The following KIF16B variants were observed in gnomAD, a reference collection of about 807,000 sequenced individuals.
KIF16B encodes the protein kinesin family member 16B, also known as kinesin-like protein KIF16B.
A neutral mutation model predicts 156.3 loss-of-function variants in KIF16B; 98 were observed. The ratio of observed to expected loss-of-function variants is 0.63; its 90% CI spans 0.53 to 0.74. The LOEUF (loss-of-function observed/expected upper bound fraction) is 0.74. Among genes scored for constraint, KIF16B ranks in the 30% least tolerant of loss-of-function variants. The pLI is 0.00. For missense variants in KIF16B, 1,421 were observed against 1,606.5 expected, an observed-to-expected ratio of 0.88 and a Z score of 1.97; for synonymous variants, 564 against 583.7, an observed-to-expected ratio of 0.97 and a Z score of 0.49.
chr20:16,543,360 C>T (rs140410766), intron 1 of KIF16B, among the ~76,000 whole-genome samples: 1 of 152,266 alleles, frequency 6.6e-6, no homozygotes, highest in African/African-American at 2.4e-5. Flanking sequence ...AGGGTTATCA[C>T]CACTGACTTC....
intron 22 of KIF16B, among the ~76,000 whole-genome samples, chr20:16,362,513 A>G (rs1329648962): frequency 6.6e-6 from 1 of 152,248 alleles, no homozygotes; most frequent in Non-Finnish European, 1.5e-5. Context: ...TCAGTTAAGA[A>G]TCAACTTAGC....
intron 25 of KIF16B, among the ~76,000 whole-genome samples, chr20:16,310,514 A>T (rs1469441048): frequency 6.6e-6 from 1 of 152,200 alleles, no homozygotes; most frequent in Non-Finnish European, 1.5e-5. Flanking sequence ...GTTTAACAAG[A>T]GCCCTGAGTA....
rs73241988 is a variant in KIF16B, at chr20:16,504,291, T to C, written c.1176+81A>G. 3.8e-3 allele frequency: 5,277 copies of C among 1,381,374 alleles called. 168 individuals carry two copies. The African/African-American group carries it at 0.066, about 17-fold the overall frequency. The allele number at this position is 1,381,374 out of a possible 1,614,324, so 85.6% of individuals were successfully genotyped here. A position where few individuals can be genotyped will look rare whatever the true frequency, so the allele number is the denominator to read the frequency against. On this transcript the variant is annotated intron_variant, in intron 10 of 25. Coordinates refer to ENST00000354981, the MANE Select transcript of KIF16B (RefSeq NM_024704.5). The stretch of plus-strand genomic sequence containing the variant: ...TATTTACTCAAATCAATAGCATGAG[T>C]GAGAAAATTGTCTCATTAAGATCTA...
chr20:16,387,192 G>T (rs1199863880), intron 17 of KIF16B, among the ~76,000 whole-genome samples: 3 of 152,184 alleles, frequency 2.0e-5, no homozygotes, highest in Admixed American at 6.5e-5. Context: ...AACATTATTT[G>T]TAATAATGAA....
chr20:16,569,145 C>G (rs138808888), intron 1 of KIF16B, among the ~76,000 whole-genome samples: 111 of 152,254 alleles, frequency 7.3e-4, no homozygotes, highest in African/African-American at 2.6e-3. Context: ...AGCCAGACAG[C>G]CTATCTGCTG....
chr20:16,287,479 T>C (rs1325949142), intron 25 of KIF16B, among the ~76,000 whole-genome samples: 5 of 152,220 alleles, frequency 3.3e-5, no homozygotes, highest in Non-Finnish European at 5.9e-5. Flanking sequence ...AACTATTCAT[T>C]ACGGCTATTC....
intron 25 of KIF16B, among the ~76,000 whole-genome samples, chr20:16,284,881 G>A (rs1356941065): frequency 6.6e-6 from 1 of 152,130 alleles, no homozygotes; most frequent in Non-Finnish European, 1.5e-5. Flanking sequence ...GAACACCCAC[G>A]GTCCAGGCCT....
chr20:16,379,278 C>A lies in KIF16B; in HGVS notation c.2724G>T (p.Gln908His), dbSNP rs141941008. Residue 908 changes from glutamine to histidine, a missense_variant, in exon 19 of 26, where the codon CAG becomes CAT. Coordinates refer to ENST00000354981, the MANE Select transcript of KIF16B (RefSeq NM_024704.5). ...VEYRLQYKER[Q>H]LQYLLQNHLP... is the part of the protein sequence containing the mutation. The stretch of plus-strand genomic sequence containing the variant: ...AGTGATTCTGCAGGAGGTACTGTAG[C>A]TGGCGTTCTTTATATTGCAGCCTGT... 6.2e-7 allele frequency: 1 copy of A among 1,613,814 alleles called. No individual in the cohort carries two copies. Among genetic ancestry groups the A allele is most frequent in the African/African-American group, 1.3e-5 (1 of 75,042 alleles).
At chr20:16,567,769 T>TCTCTAC (rs2071309294) in intron 1 of KIF16B, among the ~76,000 whole-genome samples, 1 of 152,066 alleles carries the variant, frequency 6.6e-6, no homozygotes, top group South Asian at 2.1e-4. Context: ...GCTAACACAG[T>TCTCTAC]GAAACCCTGT....
intron 19 of KIF16B, among the ~76,000 whole-genome samples, chr20:16,377,101 C>A (rs1342682850): frequency 6.6e-6 from 1 of 152,148 alleles, no homozygotes; most frequent in Admixed American, 6.5e-5. Context: ...CTGAGTAGGT[C>A]TTCCTTGTTA....
At chr20:16,382,159 A>G (rs536109608) in intron 17 of KIF16B, 9 of 1,287,382 alleles carry the variant, frequency 7.0e-6, no homozygotes, top group Admixed American at 4.2e-5. Flanking sequence ...GAGAGAGAGA[A>G]AGAGAGAGAG....
At chr20:16,443,600 A>T (rs78074351) in intron 12 of KIF16B, among the ~76,000 whole-genome samples, 2,593 of 152,290 alleles carry the variant, frequency 0.017, 32 homozygotes, top group Non-Finnish European at 0.025. Flanking sequence ...AAATACTACT[A>T]TGGGCAACAA....
intron 3 of KIF16B, among the ~76,000 whole-genome samples, chr20:16,524,076 A>C (rs1300865775): frequency 6.6e-6 from 1 of 152,228 alleles, no homozygotes; most frequent in African/African-American, 2.4e-5. Flanking sequence ...AAACCATAGA[A>C]GAAAACCTAG....
intron 1 of KIF16B, among the ~76,000 whole-genome samples, chr20:16,553,890 G>A (rs540912385): frequency 3.9e-5 from 6 of 152,252 alleles, no homozygotes; most frequent in South Asian, 2.1e-4. Context: ...CTGCACTGTC[G>A]CAGCCCAGCC....
intron 24 of KIF16B, among the ~76,000 whole-genome samples, chr20:16,332,479 T>C (rs573397810): frequency 1.6e-4 from 25 of 152,328 alleles, no homozygotes; most frequent in African/African-American, 5.5e-4. Flanking sequence ...ACCACTCTCA[T>C]AGTCTGTTTT....
intron 11 of KIF16B, 24 bp from the exon 12 acceptor site, chr20:16,494,374 T>C: frequency 2.8e-6 from 4 of 1,453,772 alleles, no homozygotes; most frequent in Non-Finnish European, 3.8e-6. Flanking sequence ...TATACATACG[T>C]GACTGCTTCA....
chr20:16,383,611 TC>T (rs1328777254), intron 17 of KIF16B, among the ~76,000 whole-genome samples: 2 of 152,250 alleles, frequency 1.3e-5, no homozygotes, highest in African/African-American at 4.8e-5. Context: ...TAAAATATGA[TC>T]ATTTCTTTTT....
At chr20:16,338,570 G>A (rs2064082995) in intron 23 of KIF16B, among the ~76,000 whole-genome samples, 1 of 152,070 alleles carries the variant, frequency 6.6e-6, no homozygotes, top group Admixed American at 6.6e-5. Flanking sequence ...CACTCAACTT[G>A]AAAACCATGA....
chr20:16,297,415 A>G (rs2063403806), intron 25 of KIF16B, among the ~76,000 whole-genome samples: 1 of 152,216 alleles, frequency 6.6e-6, no homozygotes, highest in Non-Finnish European at 1.5e-5. Flanking sequence ...TGTCCAGGCC[A>G]GGCATGGTGG....
Sources: allele counts gnomAD v4.1 joint callset (sites outside exome capture counted in the v4.1 genomes callset), GRCh38; gene constraint gnomAD v4.1.1; transcripts MANE v1.5; gene names NCBI Gene and HGNC (gene_info 2026-07-23, HGNC 2026-07-21).